MRC2: variants seen among roughly 807,000 people sequenced by gnomAD.
The protein encoded by MRC2 is C-type mannose receptor 2.
Under a neutral mutation model 206.2 loss-of-function variants are expected in MRC2, and 84 were observed. The observed-to-expected ratio is 0.41, with a 90% CI of 0.34 to 0.49. The LOEUF (loss-of-function observed/expected upper bound fraction) is 0.49. Ranked by LOEUF, MRC2 falls within the 20% of genes least tolerant of loss-of-function variation. The probability of loss-of-function intolerance (pLI) is 0.31; values close to 1 mark genes in which losing one functional copy is unlikely to be tolerated. For missense variants in MRC2, 1,676 were observed against 2,001.5 expected, an observed-to-expected ratio of 0.84 and a Z score of 3.10; for synonymous variants, 798 against 800.0, an observed-to-expected ratio of 1.00 and a Z score of 0.04.
intron 20 of MRC2, 62 bp from the exon 21 acceptor site, chr17:62,688,227 C>A: frequency 6.8e-7 from 1 of 1,481,432 alleles, no homozygotes; most frequent in South Asian, 1.2e-5. Context: ...GCACAGTGGC[C>A]TTTCTGGGTT....
intron 1 of MRC2, among the ~76,000 whole-genome samples, chr17:62,634,117 G>A (rs1181426061): frequency 1.3e-5 from 2 of 152,098 alleles, no homozygotes; most frequent in African/African-American, 2.4e-5. Context: ...TTATTCATGA[G>A]TTTTCTGGGA....
At chr17:62,645,523 A>C (rs1195440180) in intron 1 of MRC2, among the ~76,000 whole-genome samples, 1 of 40,090 alleles carries the variant, frequency 2.5e-5, no homozygotes, top group Non-Finnish European at 4.8e-5. Context: ...ATATATATAT[A>C]TATATTTTTT....
rs953198971 is a variant in MRC2 at position 62,674,867 on chromosome 17, GC to G, written c.1569+705del. On this transcript the variant is annotated intron_variant, in intron 9 of 29. Transcript: ENST00000303375. ...TCTAAAAGACACTGCTTGGCCCTTG[GC>G]CCCCCCCAGCAGCCCCTTGCAGCCA... 1.7e-4 allele frequency among the ~76,000 whole-genome samples: 26 copies of G among 151,672 alleles called. 1 individual carries two copies. The highest frequency in any genetic ancestry group is 6.3e-4 in the South Asian group (3 of 4,788).
chr17:62,668,356 C>CAAAAAAAAAAAAAA (rs10631546), intron 6 of MRC2, among the ~76,000 whole-genome samples: 1 of 122,784 alleles, frequency 8.1e-6, no homozygotes, highest in African/African-American at 3.2e-5. Flanking sequence ...GACCCTGCCT[C>CAAAAAAAAAAAAAA]AAAAAATAAA....
At chr17:62,648,279 C>T (rs2088514549) in intron 1 of MRC2, among the ~76,000 whole-genome samples, 1 of 152,244 alleles carries the variant, frequency 6.6e-6, no homozygotes. Context: ...TGGCACACGC[C>T]TGTAATCCCA....
intron 11 of MRC2, among the ~76,000 whole-genome samples, 178 bp from the exon 12 acceptor site, chr17:62,677,091 A>G (rs574643769): frequency 8.5e-5 from 13 of 152,366 alleles, no homozygotes; most frequent in East Asian, 3.9e-4. Flanking sequence ...ACCCAGAGCC[A>G]GGGCTCTGCC....
At chr17:62,651,874 A>C (rs919427821) in intron 1 of MRC2, among the ~76,000 whole-genome samples, 3 of 152,188 alleles carry the variant, frequency 2.0e-5, no homozygotes, top group African/African-American at 7.2e-5. Context: ...GCCCTGCCTG[A>C]CTGTTAATAT....
At position 62,656,929 on chromosome 17, in the gene MRC2, C is replaced by T. The variant is rs145932991; in HGVS notation, c.119-7619C>T. On this transcript the variant is annotated intron_variant, in intron 1 of 29. Coordinates refer to ENST00000303375, the MANE Select transcript of MRC2 (RefSeq NM_006039.5). ...TTCTCTTTATATATTATCCCCTCAT[C>T]GTAGGAAGCATGGCCATTGGCAGCC... is the stretch of plus-strand genomic sequence containing the variant. 5.5e-3 allele frequency among the ~76,000 whole-genome samples: 832 copies of T among 152,238 alleles called. 9 individuals are homozygous for T. The highest frequency in any genetic ancestry group is 0.019 in the African/African-American group (788 of 41,540).
At chr17:62,691,771 C>CAAAA (rs549279909) in intron 28 of MRC2, among the ~76,000 whole-genome samples, 3 of 65,908 alleles carry the variant, frequency 4.6e-5, no homozygotes, top group Admixed American at 1.8e-4. Flanking sequence ...ACCCTGTCTC[C>CAAAA]AAAAAAAAAA....
chr17:62,648,170 C>G (rs1403029072), intron 1 of MRC2, among the ~76,000 whole-genome samples: 2 of 152,176 alleles, frequency 1.3e-5, no homozygotes, highest in African/African-American at 2.4e-5. Context: ...TTGAGAGGCC[C>G]AGGCGGGCGG....
At chr17:62,645,497 TTATATATA>T (rs1201996433) in intron 1 of MRC2, among the ~76,000 whole-genome samples, 156 of 93,660 alleles carry the variant, frequency 1.7e-3, no homozygotes, top group Middle Eastern at 7.1e-3. Context: ...TGTGTATATA[TTATATATA>T]TATATATATA....
chr17:62,632,018 C>T (rs753612940), intron 1 of MRC2, among the ~76,000 whole-genome samples: 29 of 152,200 alleles, frequency 1.9e-4, no homozygotes, highest in Non-Finnish European at 3.4e-4. Flanking sequence ...TTCAGGCCTA[C>T]GTGAGATGGG....
intron 1 of MRC2, among the ~76,000 whole-genome samples, chr17:62,645,502 TATATA>T (rs1568052026): frequency 1.2e-4 from 8 of 65,576 alleles, no homozygotes; most frequent in African/African-American, 4.4e-4. Flanking sequence ...ATATATTATA[TATATA>T]TATATATATA....
In MRC2 at chr17:62,667,358, C is replaced by G. The variant is rs758674815; in HGVS notation, c.974-32C>G. On this transcript the variant is annotated intron_variant, in intron 5 of 29. Transcript: ENST00000303375. This position sits in a 1 kb window ranked among gnomAD's most constrained non-coding sequence, Gnocchi z 4.1. Reference sequence around the variant, plus strand: ...GGAGCCACGGTGTGAGCTTCTCTCTCCGGGGGTGCTGGCGCCCTGCCCTCC... The same window carrying G: ...GGAGCCACGGTGTGAGCTTCTCTCTGCGGGGGTGCTGGCGCCCTGCCCTCC... 2.5e-5 allele frequency: 39 copies of G among 1,568,932 alleles called. No homozygotes were observed. Among genetic ancestry groups the G allele is most frequent in the South Asian group, 2.4e-5 (2 of 84,650 alleles).
At position 62,638,814 on chromosome 17, in the gene MRC2, A is replaced by T. The variant is rs866001552; in HGVS notation, c.118+10894A>T. Among the ~76,000 whole-genome samples, 8 of 149,594 alleles carry T rather than the reference A, an allele frequency of 5.3e-5. No homozygotes were observed. The Middle Eastern group carries it at 0.014, about 265-fold the overall frequency. On this transcript the variant is annotated intron_variant, in intron 1 of 29. Transcript: ENST00000303375. ...GCGCCTGTAATCCCAGCTACTTGGG[A>T]GATTGAGGCTGCTCTTGAACTCCTA...
chr17:62,652,926 T>C lies in MRC2; in HGVS notation c.119-11622T>C, dbSNP rs375977681. Among the ~76,000 whole-genome samples the C allele has an allele frequency of 1.3e-5, 2 of 150,618 alleles. No homozygotes were observed. Among genetic ancestry groups the C allele is most frequent in the Admixed American group, 6.6e-5 (1 of 15,172 alleles). ...CGATGGCGGGGGCAGGGGTGCCCCT[T>C]GGGAGCAGAAGCAGAGAAGACTCGG... is the stretch of plus-strand genomic sequence containing the variant. On this transcript the variant is annotated intron_variant, in intron 1 of 29. Coordinates refer to ENST00000303375, the MANE Select transcript of MRC2 (RefSeq NM_006039.5). This position sits in a 1 kb window ranked among gnomAD's most constrained non-coding sequence, Gnocchi z 4.6.
Position 62,645,500 on chromosome 17 carries a change from TATATATATA to T in MRC2, c.118+17581_118+17589del, listed in dbSNP as rs1568052019. Among the ~76,000 whole-genome samples, 189 of 68,166 alleles carry T rather than the reference TATATATATA, an allele frequency of 2.8e-3. 2 individuals are homozygous for T. The highest frequency in any genetic ancestry group is 9.2e-3 in the African/African-American group (161 of 17,518). 44.7% of individuals were successfully genotyped at this position (68,166 alleles called of 152,430 possible). A position where few individuals can be genotyped will look rare whatever the true frequency, so the allele number is the denominator to read the frequency against. On this transcript the variant is annotated intron_variant, in intron 1 of 29. Transcript: ENST00000303375. ...ATAATATGTGTGTGTGTATATATTA[TATATATATA>T]TATATATATATATATATATTTTTTT...
chr17:62,679,747 C>T (rs2088937120), intron 13 of MRC2, 53 bp from the exon 14 acceptor site: 6 of 1,565,626 alleles, frequency 3.8e-6, no homozygotes, highest in Admixed American at 1.7e-5. Flanking sequence ...GTTTGGGTTC[C>T]TGCCCCTCTC....
chr17:62,679,181 C>G (rs963688774), intron 13 of MRC2, among the ~76,000 whole-genome samples: 1 of 152,236 alleles, frequency 6.6e-6, no homozygotes, highest in African/African-American at 2.4e-5. Flanking sequence ...CGAGATGGAT[C>G]TGGGCTTCCT....
Sources: allele counts gnomAD v4.1 joint callset (sites outside exome capture counted in the v4.1 genomes callset), GRCh38; gene constraint gnomAD v4.1.1; non-coding constraint Gnocchi (gnomAD v3.1); transcripts MANE v1.5; gene names NCBI Gene and HGNC (gene_info 2026-07-23, HGNC 2026-07-21).